Variants in DPP10 observed in about 807,000 individuals in gnomAD.
DPP10 encodes the protein inactive dipeptidyl peptidase 10.
A neutral mutation model predicts 120.9 loss-of-function variants in DPP10; 33 were observed. The observed-to-expected ratio is 0.27, with a 90% CI of 0.21 to 0.37. The LOEUF is 0.37. Ranked by LOEUF, DPP10 falls within the 10% of genes least tolerant of loss-of-function variation. DPP10 has a pLI of 1.00. For synonymous variants in DPP10, 337 were observed against 326.1 expected (o/e 1.03, Z -0.36); for missense variants, 816 against 942.8 (o/e 0.87, Z 1.76).
chr2:115,414,896 G>A (rs2069250553), intron 3 of DPP10, among the ~76,000 whole-genome samples: 1 of 118,840 alleles, frequency 8.4e-6, no homozygotes, highest in South Asian at 2.6e-4. Flanking sequence ...TGGAAGGTAA[G>A]TAAGCACTAC....
intron 7 of DPP10, among the ~76,000 whole-genome samples, chr2:115,694,617 G>A (rs926930557): frequency 6.6e-6 from 1 of 152,186 alleles, no homozygotes; most frequent in Non-Finnish European, 1.5e-5. Flanking sequence ...GGTTTGGGAA[G>A]AGGAATCTGG....
chr2:115,402,591 G>T (rs971910396), intron 3 of DPP10, among the ~76,000 whole-genome samples: 11 of 145,886 alleles, frequency 7.5e-5, no homozygotes, highest in Admixed American at 2.7e-4. Context: ...CAAACACAAA[G>T]AAATAGAAAA....
intron 1 of DPP10, among the ~76,000 whole-genome samples, chr2:114,807,402 G>A (rs1434324731): frequency 6.6e-6 from 1 of 151,950 alleles, no homozygotes; most frequent in Non-Finnish European, 1.5e-5. Flanking sequence ...CCTTTTGTTG[G>A]GAACATTACA....
At chr2:115,010,701 T>C (rs1702201462) in intron 1 of DPP10, among the ~76,000 whole-genome samples, 1 of 152,156 alleles carries the variant, frequency 6.6e-6, no homozygotes, top group Admixed American at 6.5e-5. Context: ...AAACAGAAGC[T>C]CCAAAAATCC....
chr2:115,565,773 T>TC (rs1558858677), intron 5 of DPP10, among the ~76,000 whole-genome samples: 2 of 147,686 alleles, frequency 1.4e-5, no homozygotes, highest in African/African-American at 5.0e-5. Context: ...TGTTTTGTTT[T>TC]TTTTTGTTTT....
chr2:115,621,639 A>T (rs2084951829), intron 5 of DPP10, among the ~76,000 whole-genome samples: 1 of 152,146 alleles, frequency 6.6e-6, no homozygotes. Flanking sequence ...TGTAGAAAAC[A>T]TTCTACCTGT....
At chr2:114,645,395 T>A (rs999173200) in intron 1 of DPP10, among the ~76,000 whole-genome samples, 1 of 152,156 alleles carries the variant, frequency 6.6e-6, no homozygotes, top group African/African-American at 2.4e-5. Context: ...TTGGGAAAAC[T>A]TTTTTATGGA....
At chr2:114,879,937 A>G (rs1323204028) in intron 1 of DPP10, among the ~76,000 whole-genome samples, 2 of 152,132 alleles carry the variant, frequency 1.3e-5, no homozygotes, top group African/African-American at 4.8e-5. Flanking sequence ...ACTAATAAAG[A>G]CTAAGATGAT....
chr2:115,161,979 C>G, intron 1 of DPP10: 1 of 1,411,974 alleles, frequency 7.1e-7, no homozygotes, highest in Non-Finnish European at 9.2e-7. Context: ...AAGCAGGAGC[C>G]GCAGCCCACC....
At chr2:115,523,999 A>G (rs2077980756) in intron 4 of DPP10, among the ~76,000 whole-genome samples, 1 of 152,186 alleles carries the variant, frequency 6.6e-6, no homozygotes, top group African/African-American at 2.4e-5. Flanking sequence ...AGATAGGTGT[A>G]AACCCCCATA....
At chr2:114,531,696 G>A (rs181978019) in intron 1 of DPP10, among the ~76,000 whole-genome samples, 345 of 151,738 alleles carry the variant, frequency 2.3e-3, no homozygotes, top group African/African-American at 7.8e-3. Flanking sequence ...TATGTAAAAC[G>A]GAAGCAAATA....
chr2:115,526,741 C>T (rs2078156434), intron 5 of DPP10, among the ~76,000 whole-genome samples: 1 of 152,100 alleles, frequency 6.6e-6, no homozygotes, highest in Admixed American at 6.6e-5. Context: ...CAGGAAGCCT[C>T]ATATAATGCT....
At chr2:115,801,689 A>G (rs1194743480) in intron 19 of DPP10, among the ~76,000 whole-genome samples, 1 of 150,356 alleles carries the variant, frequency 6.7e-6, no homozygotes, top group Non-Finnish European at 1.5e-5. Flanking sequence ...TATTGAGATA[A>G]TAATGTGATT....
intron 1 of DPP10, among the ~76,000 whole-genome samples, chr2:114,873,515 A>T (rs531689880): frequency 3.4e-4 from 52 of 152,260 alleles, no homozygotes; most frequent in African/African-American, 1.1e-3. Flanking sequence ...ATAATTATGT[A>T]TCAGGACAAC....
intron 5 of DPP10, among the ~76,000 whole-genome samples, chr2:115,549,949 TCA>T (rs1177977348): frequency 1.3e-5 from 2 of 152,076 alleles, no homozygotes; most frequent in African/African-American, 4.8e-5. Flanking sequence ...TTTTCCCACA[TCA>T]CACACATTCC....
At chr2:114,794,637 A>G (rs1470749978) in intron 1 of DPP10, among the ~76,000 whole-genome samples, 6 of 152,100 alleles carry the variant, frequency 3.9e-5, no homozygotes, top group Non-Finnish European at 8.8e-5. Flanking sequence ...AGGATAATCT[A>G]TTTTTCTACT....
chr2:114,584,063 C>A (rs78195256), intron 1 of DPP10, among the ~76,000 whole-genome samples: 37,954 of 151,928 alleles, frequency 0.25, 4,962 homozygotes, highest in Non-Finnish European at 0.28. Context: ...AAGAGAATCA[C>A]GAAAGATTCA....
intron 5 of DPP10, among the ~76,000 whole-genome samples, chr2:115,557,162 T>C (rs1476265269): frequency 6.6e-6 from 1 of 152,142 alleles, no homozygotes; most frequent in African/African-American, 2.4e-5. Context: ...TGTCTCTCTC[T>C]CCCTCTCTCT....
At chr2:114,518,925 T>C (rs1436677585) in intron 1 of DPP10, among the ~76,000 whole-genome samples, 1 of 152,156 alleles carries the variant, frequency 6.6e-6, no homozygotes, top group Non-Finnish European at 1.5e-5. Flanking sequence ...GGTAGTAAGG[T>C]CAGCAGCTCC....
Sources: gnomAD v4.1 joint callset for allele counts (sites outside exome capture counted in the v4.1 genomes callset) on GRCh38, gnomAD v4.1.1 for gene constraint, MANE v1.5 for transcripts, NCBI Gene and HGNC (gene_info 2026-07-23, HGNC 2026-07-21) for gene names.